EMSY: variants seen among roughly 807,000 people sequenced by gnomAD.
EMSY encodes EMSY transcriptional repressor, BRCA2 interacting, also known as BRCA2-interacting transcriptional repressor EMSY.
In EMSY, 26 loss-of-function variants were observed where a neutral mutation model predicts 134.6. The ratio of observed to expected loss-of-function variants is 0.19; its 90% confidence interval spans 0.14 to 0.27. The LOEUF is 0.27. EMSY is among the 10% of genes least tolerant of loss of function. The pLI is 1.00. For missense variants in EMSY, 1,305 were observed against 1,611.4 expected, an observed-to-expected ratio of 0.81 and a Z score of 3.26; for synonymous variants, 579 against 577.8, an observed-to-expected ratio of 1.00 and a Z score of -0.03.
chr11:76,484,587 G>T (rs1949105972), intron 8 of EMSY, among the ~76,000 whole-genome samples: 1 of 152,144 alleles, frequency 6.6e-6, no homozygotes, highest in African/African-American at 2.4e-5. Flanking sequence ...TGATCCCACA[G>T]AAATACGAAC....
intron 9 of EMSY, among the ~76,000 whole-genome samples, chr11:76,505,808 G>A (rs947183109): frequency 3.9e-5 from 6 of 151,900 alleles, no homozygotes; most frequent in African/African-American, 1.2e-4. Context: ...AGTGAACCAA[G>A]ATCACGCCCC....
intron 3 of EMSY, 86 bp from the exon 4 acceptor site, chr11:76,453,228 C>A: frequency 8.0e-7 from 1 of 1,249,024 alleles, no homozygotes; most frequent in Non-Finnish European, 1.1e-6. Context: ...CCTTCTCCCC[C>A]CAAAAATGTT....
chr11:76,450,094 A>G (rs1242549519), intron 2 of EMSY, among the ~76,000 whole-genome samples: 1 of 145,094 alleles, frequency 6.9e-6, no homozygotes, highest in African/African-American at 2.6e-5. Flanking sequence ...CTGGCACACA[A>G]TTCTCTTTCT....
At chr11:76,475,125 C>T (rs1048831123) in intron 8 of EMSY, among the ~76,000 whole-genome samples, 9 of 152,138 alleles carry the variant, frequency 5.9e-5, no homozygotes, top group East Asian at 1.9e-4. Context: ...AAACATGTTC[C>T]GAATTCACCA....
At position 76,471,561 on chromosome 11, in the gene EMSY, C is replaced by T. The variant is rs573714180; in HGVS notation, c.832-1003C>T. ...CTCTTTACTGTGAAAGTTTCTCAGA[C>T]TTTCCTTTTTTTTGATGACCTTGAC... On this transcript the variant is annotated intron_variant, in intron 7 of 20. Transcript: ENST00000334736. Among the ~76,000 whole-genome samples the T allele has an allele frequency of 5.1e-4, 77 of 152,084 alleles. 1 individual carries two copies. In the Middle Eastern group the frequency reaches 0.034, roughly 67 times the overall value.
intron 8 of EMSY, among the ~76,000 whole-genome samples, chr11:76,484,951 G>T (rs1949123863): frequency 6.7e-6 from 1 of 149,006 alleles, no homozygotes; most frequent in Non-Finnish European, 1.5e-5. Context: ...AAACCTAGAA[G>T]AAATGGATAA....
intron 1 of EMSY, among the ~76,000 whole-genome samples, chr11:76,445,428 C>T (rs1434724196): frequency 6.6e-6 from 1 of 152,098 alleles, no homozygotes; most frequent in Non-Finnish European, 1.5e-5. Flanking sequence ...GCGCGGGTGC[C>T]GGCCGGGACC....
intron 2 of EMSY, among the ~76,000 whole-genome samples, chr11:76,448,414 C>T (rs1015417783): frequency 4.0e-5 from 6 of 151,558 alleles, no homozygotes; most frequent in Admixed American, 2.0e-4. Flanking sequence ...TGTTAGTTGC[C>T]GATTATAAAG....
intron 8 of EMSY, among the ~76,000 whole-genome samples, chr11:76,474,081 G>A (rs1948684897): frequency 7.1e-6 from 1 of 141,316 alleles, no homozygotes; most frequent in Admixed American, 7.6e-5. Flanking sequence ...AGTGAGCTGA[G>A]ATCCAGTCCT....
intron 4 of EMSY, chr11:76,453,676 C>G (rs1947758369): frequency 4.3e-6 from 1 of 233,956 alleles, no homozygotes. Context: ...TTACTTGAGG[C>G]CAAGTTCAGT....
chr11:76,454,367 T>C (rs1947789308), intron 4 of EMSY, among the ~76,000 whole-genome samples: 1 of 152,018 alleles, frequency 6.6e-6, no homozygotes, highest in Non-Finnish European at 1.5e-5. Flanking sequence ...GATTCTTCAG[T>C]GGTAGGTATG....
chr11:76,486,200 A>G (rs1949172813), intron 8 of EMSY, among the ~76,000 whole-genome samples: 2 of 152,026 alleles, frequency 1.3e-5, no homozygotes, highest in Non-Finnish European at 2.9e-5. Context: ...GAGTTGAACA[A>G]TGAGAACACA....
At chr11:76,522,352 C>CTTTTCTTTT (rs1950672897) in intron 11 of EMSY, among the ~76,000 whole-genome samples, 1 of 44,220 alleles carries the variant, frequency 2.3e-5, no homozygotes. Flanking sequence ...GTTTACTTTG[C>CTTTTCTTTT]TTTTTTTTTT....
At chr11:76,448,685 G>A (rs944928320) in intron 2 of EMSY, among the ~76,000 whole-genome samples, 1 of 151,748 alleles carries the variant, frequency 6.6e-6, no homozygotes, top group Non-Finnish European at 1.5e-5. Context: ...TGGGAGGTGA[G>A]CTTTGATAGT....
exon 21 of EMSY, chr11:76,550,352 A>G (rs796708222): frequency 6.3e-5 from 22 of 346,910 alleles, no homozygotes; most frequent in African/African-American, 3.5e-4. Flanking sequence ...TTAAAAAAAA[A>G]TGAAAAAGAA....
At chr11:76,519,345 G>A (rs561442686) in intron 11 of EMSY, among the ~76,000 whole-genome samples, 3 of 152,226 alleles carry the variant, frequency 2.0e-5, no homozygotes, top group South Asian at 2.1e-4. Flanking sequence ...TATTATAGGC[G>A]TCAGTTACTG....
intron 11 of EMSY, 113 bp from the exon 13 acceptor site, chr11:76,523,042 T>C: frequency 1.9e-6 from 2 of 1,066,190 alleles, no homozygotes; most frequent in East Asian, 2.6e-5. Context: ...ACAGCTTTCA[T>C]GTCATCTAGG....
At chr11:76,518,863 T>TGTGTGC (rs1435818122) in intron 11 of EMSY, among the ~76,000 whole-genome samples, 1 of 148,936 alleles carries the variant, frequency 6.7e-6, no homozygotes, top group Non-Finnish European at 1.5e-5. Context: ...CTGTCTTGTG[T>TGTGTGC]GTGTGTGTGT....
chr11:76,465,985 C>G (rs936485252), intron 7 of EMSY, among the ~76,000 whole-genome samples: 2 of 152,088 alleles, frequency 1.3e-5, no homozygotes. Flanking sequence ...TCTCCTGCCT[C>G]GAGTAATATA....
Sources: gnomAD v4.1 joint callset for allele counts (sites outside exome capture counted in the v4.1 genomes callset) on GRCh38, gnomAD v4.1.1 for gene constraint, MANE v1.5 for transcripts, NCBI Gene and HGNC (gene_info 2026-07-23, HGNC 2026-07-21) for gene names.